The following MYO16 variants were observed in gnomAD, a reference collection of about 807,000 sequenced individuals.
MYO16 encodes unconventional myosin-XVI.
Under a neutral mutation model 205.3 loss-of-function variants are expected in MYO16, and 94 were observed. The ratio of observed to expected loss-of-function variants is 0.46; its 90% CI spans 0.39 to 0.54. The LOEUF is 0.54. Ranked by LOEUF, MYO16 falls within the 20% of genes least tolerant of loss-of-function variation. MYO16 has a pLI of 0.00. For synonymous variants in MYO16, 988 were observed against 954.0 expected (o/e 1.04, Z -0.66); for missense variants, 2,315 against 2,387.5 (o/e 0.97, Z 0.63).
At position 109,049,402 on chromosome 13, in the gene MYO16, C is replaced by T. The variant is rs142110003; in HGVS notation, c.2872+2411C>T. ...TGCTCAGCTGTGGTCAGGGCTCTCC[C>T]GTTAGGGCCCAAAGCGTGATGGCAT... is the stretch of plus-strand genomic sequence containing the variant. On this transcript the variant is annotated intron_variant, in intron 24 of 34. Transcript: ENST00000457511. 4.0e-4 allele frequency among the ~76,000 whole-genome samples: 61 copies of T among 152,246 alleles called. No individual in the cohort carries two copies. The East Asian group carries it at 9.8e-3, about 25-fold the overall frequency.
At chr13:108,532,031 AC>A in the MYO16 span, among the ~76,000 whole-genome samples, 1 of 151,900 alleles carries the variant, frequency 6.6e-6, no homozygotes, top group African/African-American at 2.4e-5. Flanking sequence ...ACATGGTGAA[AC>A]CCTGTCTTAC....
intron 9 of MYO16, among the ~76,000 whole-genome samples, chr13:108,837,836 A>G (rs61970401): frequency 1.7e-3 from 252 of 152,308 alleles, no homozygotes; most frequent in Non-Finnish European, 2.9e-3. Flanking sequence ...AAAGAAAAGT[A>G]TTTATTCTAA....
intron 20 of MYO16, among the ~76,000 whole-genome samples, chr13:108,972,302 A>T (rs1884060940): frequency 1.3e-5 from 1 of 78,678 alleles, no homozygotes. Flanking sequence ...AGCCATCACT[A>T]TATGTATGTG....
intron 2 of MYO16, among the ~76,000 whole-genome samples, chr13:108,692,463 C>G (rs974298196): frequency 6.6e-6 from 1 of 152,308 alleles, no homozygotes; most frequent in South Asian, 2.1e-4. Context: ...GGGCAGTTCT[C>G]TCCTGTGAAG....
At chr13:108,881,135 T>C (rs1324511222) in intron 12 of MYO16, among the ~76,000 whole-genome samples, 7 of 152,170 alleles carry the variant, frequency 4.6e-5, no homozygotes, top group Non-Finnish European at 5.9e-5. Context: ...TTCTGTAATA[T>C]TTGCTTTTCT....
chr13:108,517,948 G>A, the MYO16 span, among the ~76,000 whole-genome samples: 1 of 152,126 alleles, frequency 6.6e-6, no homozygotes, highest in South Asian at 2.1e-4. Flanking sequence ...CTGTTATGAG[G>A]CACTAAACCT....
intron 2 of MYO16, among the ~76,000 whole-genome samples, chr13:108,668,863 G>C (rs931586750): frequency 6.6e-6 from 1 of 152,118 alleles, no homozygotes; most frequent in Admixed American, 6.6e-5. Flanking sequence ...TAACTCCAGA[G>C]GGTGAAATCG....
chr13:109,189,280 G>A (rs2139939846), intron 34 of MYO16, among the ~76,000 whole-genome samples: 1 of 152,154 alleles, frequency 6.6e-6, no homozygotes, highest in Non-Finnish European at 1.5e-5. Context: ...TGACTCAAAT[G>A]TTAATCTCTT....
chr13:108,935,683 G>T (rs1381201163), intron 16 of MYO16, among the ~76,000 whole-genome samples: 1 of 152,098 alleles, frequency 6.6e-6, no homozygotes, highest in Non-Finnish European at 1.5e-5. Context: ...TTGAGAGTCG[G>T]CATCATTGGC....
chr13:108,773,527 C>T (rs760965915), intron 4 of MYO16, among the ~76,000 whole-genome samples: 91 of 152,228 alleles, frequency 6.0e-4, no homozygotes, highest in Non-Finnish European at 6.0e-4. Flanking sequence ...TTCATCCTCA[C>T]GTGGCTGCCT....
chr13:108,997,330 AAGAAAGAAAGAGAGAGAGAGAGAG>A (rs1885048124), intron 21 of MYO16, among the ~76,000 whole-genome samples: 1 of 5,884 alleles, frequency 1.7e-4, no homozygotes, highest in African/African-American at 7.1e-4. Flanking sequence ...GAAAGAAAGA[AAGAAAGAAAGAGAGAGAGAGAGAG>A]AGAGAGAGAG....
chr13:108,996,729 A>G (rs1414446433), intron 21 of MYO16, among the ~76,000 whole-genome samples: 4 of 152,198 alleles, frequency 2.6e-5, no homozygotes, highest in Non-Finnish European at 5.9e-5. Context: ...TCATGATTGA[A>G]TATGTTTAAA....
chr13:109,055,144 A>T lies in MYO16; in HGVS notation c.3129+18A>T, dbSNP rs1398751169. The stretch of plus-strand genomic sequence containing the variant: ...AACTCAGGGTTAGTGACGTTTTCAG[A>T]TTTCAAAAACTTAATGTATGTTTAT... On this transcript the variant is annotated intron_variant, in intron 26 of 34. Transcript: ENST00000457511. This position sits in a 1 kb window ranked among gnomAD's most constrained non-coding sequence, Gnocchi z 5.0. 1.9e-6 allele frequency: 3 copies of T among 1,546,372 alleles called. No homozygotes were observed. The highest frequency in any genetic ancestry group is 2.8e-5 in the African/African-American group (2 of 71,556).
chr13:108,640,468 C>A (rs112656706), intron 1 of MYO16, among the ~76,000 whole-genome samples: 194 of 152,290 alleles, frequency 1.3e-3, no homozygotes, highest in African/African-American at 4.3e-3. Flanking sequence ...AAAATACACA[C>A]AGGGCAGTTG....
intron 3 of MYO16, among the ~76,000 whole-genome samples, chr13:108,715,718 A>G (rs1883916738): frequency 6.6e-6 from 1 of 152,218 alleles, no homozygotes; most frequent in Non-Finnish European, 1.5e-5. Context: ...GGAGAGGGAT[A>G]AGCAGATGAT....
the MYO16 span, among the ~76,000 whole-genome samples, chr13:108,577,279 G>A: frequency 6.6e-6 from 1 of 152,164 alleles, no homozygotes; most frequent in South Asian, 2.1e-4. Flanking sequence ...CTTAGAGGAG[G>A]GAATGGCTAA....
At chr13:108,750,117 G>A (rs1356302209) in intron 4 of MYO16, among the ~76,000 whole-genome samples, 2 of 152,166 alleles carry the variant, frequency 1.3e-5, no homozygotes, top group African/African-American at 2.4e-5. Context: ...GAGGAAAGGC[G>A]AATAGGTGAA....
chr13:108,541,304 A>G, the MYO16 span, among the ~76,000 whole-genome samples: 2 of 151,576 alleles, frequency 1.3e-5, no homozygotes, highest in Non-Finnish European at 2.9e-5. Flanking sequence ...TCTATATAAC[A>G]TCTATATTAT....
At chr13:109,178,978 G>A (rs1235732673) in intron 33 of MYO16, among the ~76,000 whole-genome samples, 1 of 152,316 alleles carries the variant, frequency 6.6e-6, no homozygotes, top group Non-Finnish European at 1.5e-5. Context: ...GGTTGCTCAT[G>A]AATTGGTGTG....
Sources: allele counts gnomAD v4.1 joint callset (sites outside exome capture counted in the v4.1 genomes callset), GRCh38; gene constraint gnomAD v4.1.1; non-coding constraint Gnocchi (gnomAD v3.1); transcripts MANE v1.5; gene names NCBI Gene and HGNC (gene_info 2026-07-23, HGNC 2026-07-21).